Variants in WDR70 observed in about 807,000 individuals in gnomAD.
WDR70 encodes the protein WD repeat-containing protein 70.
A neutral mutation model predicts 88.6 loss-of-function variants in WDR70; 53 were observed. The ratio of observed to expected loss-of-function variants is 0.60; its 90% confidence interval spans 0.48 to 0.75. The LOEUF is 0.75. Ranked by LOEUF, WDR70 falls within the 30% of genes least tolerant of loss-of-function variation. The pLI is 0.00. For missense variants in WDR70, 610 were observed against 823.2 expected (o/e 0.74, Z 3.17); for synonymous variants, 280 against 270.0 (o/e 1.04, Z -0.36).
chr5:37,584,154 G>C (rs1175886283), intron 9 of WDR70, among the ~76,000 whole-genome samples: 1 of 152,196 alleles, frequency 6.6e-6, no homozygotes, highest in Non-Finnish European at 1.5e-5. Context: ...ACCTTCTTCA[G>C]AGAGTTGTGA....
chr5:37,588,745 T>G (rs1743438240), intron 9 of WDR70, among the ~76,000 whole-genome samples: 1 of 151,658 alleles, frequency 6.6e-6, no homozygotes, highest in South Asian at 2.1e-4. Flanking sequence ...CCTGGCTAAT[T>G]TTTATTTTTA....
chr5:37,605,763 A>C (rs1235618945), intron 10 of WDR70, among the ~76,000 whole-genome samples: 3 of 152,166 alleles, frequency 2.0e-5, no homozygotes, highest in Admixed American at 6.5e-5. Flanking sequence ...TTAGTAGAAT[A>C]AATAAAGTTT....
At chr5:37,484,566 C>A (rs917529940) in intron 8 of WDR70, among the ~76,000 whole-genome samples, 5 of 151,508 alleles carry the variant, frequency 3.3e-5, no homozygotes, top group Non-Finnish European at 5.9e-5. Flanking sequence ...AGAGGGAGAC[C>A]GTGGGGAGAG....
chr5:37,718,011 C>T (rs759779138), intron 13 of WDR70, among the ~76,000 whole-genome samples: 5 of 152,178 alleles, frequency 3.3e-5, no homozygotes, highest in Non-Finnish European at 7.3e-5. Flanking sequence ...ACTGGCCTCT[C>T]ATTTGCTGCT....
chr5:37,632,776 G>T (rs372690543), intron 10 of WDR70, among the ~76,000 whole-genome samples: 1 of 152,094 alleles, frequency 6.6e-6, no homozygotes, highest in Non-Finnish European at 1.5e-5. Context: ...TTTTAGTATA[G>T]CCTAAGCTTA....
chr5:37,585,032 C>G (rs1021415860), intron 9 of WDR70, among the ~76,000 whole-genome samples: 2 of 149,780 alleles, frequency 1.3e-5, no homozygotes. Context: ...ACTCTGTTGC[C>G]TAGGCTGGAA....
chr5:37,445,752 A>C (rs1297257514), intron 7 of WDR70, among the ~76,000 whole-genome samples: 1 of 152,214 alleles, frequency 6.6e-6, no homozygotes, highest in Non-Finnish European at 1.5e-5. Context: ...CTTCATGCTA[A>C]AAACTCTCAA....
intron 10 of WDR70, among the ~76,000 whole-genome samples, chr5:37,617,000 G>A (rs374749156): frequency 1.3e-5 from 2 of 152,062 alleles, no homozygotes; most frequent in Admixed American, 6.5e-5. Flanking sequence ...ATTTTTAGCC[G>A]ATTCTTTTCC....
At chr5:37,470,271 G>A (rs1739288669) in intron 7 of WDR70, among the ~76,000 whole-genome samples, 3 of 152,072 alleles carry the variant, frequency 2.0e-5, no homozygotes, top group Admixed American at 2.0e-4. Context: ...GTGTGGTAGT[G>A]TACCCATTTG....
chr5:37,667,387 A>G (rs1301588002), intron 10 of WDR70, among the ~76,000 whole-genome samples: 1 of 152,212 alleles, frequency 6.6e-6, no homozygotes, highest in Non-Finnish European at 1.5e-5. Context: ...ACTGAATAGC[A>G]ACATGTTCAG....
chr5:37,660,110 C>T (rs1365078905), intron 10 of WDR70, among the ~76,000 whole-genome samples: 3 of 152,006 alleles, frequency 2.0e-5, no homozygotes, highest in African/African-American at 7.3e-5. Context: ...GTTAATTAAT[C>T]TGTTAATTGA....
chr5:37,433,667 A>G (rs1212259008), intron 5 of WDR70, among the ~76,000 whole-genome samples: 1 of 152,220 alleles, frequency 6.6e-6, no homozygotes, highest in Non-Finnish European at 1.5e-5. Context: ...CAAGATTTAT[A>G]TTATTCTCTC....
intron 5 of WDR70, among the ~76,000 whole-genome samples, chr5:37,415,829 G>C (rs1749720542): frequency 6.7e-6 from 1 of 150,374 alleles, no homozygotes; most frequent in African/African-American, 2.4e-5. Context: ...TCACCTCCCA[G>C]ACGGGGTCGC....
chr5:37,468,581 A>T (rs180764323), intron 7 of WDR70, among the ~76,000 whole-genome samples: 1 of 151,344 alleles, frequency 6.6e-6, no homozygotes, highest in African/African-American at 2.4e-5. Context: ...AATTTGCATA[A>T]TTTTTTTTTG....
At position 37,460,666 on chromosome 5, in the gene WDR70, TG is replaced by T. The variant is rs553758004; in HGVS notation, c.686+17295del. Among the ~76,000 whole-genome samples the T allele has an allele frequency of 8.5e-3, 410 of 48,458 alleles. 3 individuals carry two copies. The highest frequency in any genetic ancestry group is 0.017 in the Non-Finnish European group (305 of 18,006). The allele number at this position is 48,458 out of a possible 152,430, so 31.8% of individuals were successfully genotyped here. A position where few individuals can be genotyped will look rare whatever the true frequency, so the allele number is the denominator to read the frequency against. ...GTAACTAACCTGCACAATGTGCACA[TG>T]TACCCTAAAACTTAGAGTATAATAA... On this transcript the variant is annotated intron_variant, in intron 7 of 17. Coordinates refer to ENST00000265107, the MANE Select transcript of WDR70 (RefSeq NM_018034.4).
chr5:37,648,308 A>G (rs1745297381), intron 10 of WDR70, among the ~76,000 whole-genome samples: 2 of 152,068 alleles, frequency 1.3e-5, no homozygotes, highest in Admixed American at 6.5e-5. Flanking sequence ...GCTGGGTTCT[A>G]TCTCCAGGTC....
intron 9 of WDR70, among the ~76,000 whole-genome samples, chr5:37,568,638 G>C (rs1456700638): frequency 1.3e-5 from 2 of 152,158 alleles, no homozygotes; most frequent in African/African-American, 4.8e-5. Context: ...ACTTTCTGCT[G>C]TATGAGAATC....
chr5:37,745,162 C>G (rs1039741269), intron 17 of WDR70, among the ~76,000 whole-genome samples: 1 of 152,026 alleles, frequency 6.6e-6, no homozygotes, highest in African/African-American at 2.4e-5. Context: ...AATTTCATAT[C>G]CAGCCAAACT....
chr5:37,505,659 T>G, intron 8 of WDR70: 1 of 805,942 alleles, frequency 1.2e-6, no homozygotes, highest in Non-Finnish European at 2.2e-6. Context: ...GTTTTCATCT[T>G]GTACATCTTC....
Sources: gnomAD v4.1 joint callset for allele counts (sites outside exome capture counted in the v4.1 genomes callset) on GRCh38, gnomAD v4.1.1 for gene constraint, MANE v1.5 for transcripts, NCBI Gene and HGNC (gene_info 2026-07-23, HGNC 2026-07-21) for gene names.